The following NFIB variants were observed in gnomAD, a reference collection of about 807,000 sequenced individuals.
NFIB encodes the protein nuclear factor 1 B-type.
NFIB carries 11 observed loss-of-function variants against 61.5 expected under a neutral mutation model. That is an observed-to-expected ratio of 0.18 (90% CI 0.11 to 0.30). The LOEUF (loss-of-function observed/expected upper bound fraction) is 0.30. NFIB is among the 10% of genes least tolerant of loss of function. NFIB has a pLI of 1.00. For synonymous variants in NFIB, 260 were observed against 216.5 expected (o/e 1.20, Z -1.76); for missense variants, 471 against 608.9 (o/e 0.77, Z 2.38).
chr9:14,237,443 C>A (rs1270796862), intron 2 of NFIB, among the ~76,000 whole-genome samples: 2 of 152,104 alleles, frequency 1.3e-5, no homozygotes, highest in Non-Finnish European at 2.9e-5. Context: ...AGCTTGGCCA[C>A]CTAAGATATA....
At position 14,165,318 on chromosome 9, in the gene NFIB, C is replaced by T. The variant is rs79073461; in HGVS notation, c.617-9425G>A. On this transcript the variant is annotated intron_variant, in intron 3 of 10. Coordinates refer to ENST00000380953, the MANE Select transcript of NFIB (RefSeq NM_001190737.2). ...AAAACTTGAATACCTAAATTTGTAG[C>T]CTCTCTCATCGAAACAAAACAATGA... Among the ~76,000 whole-genome samples, 566 of 152,206 alleles carry T rather than the reference C, an allele frequency of 3.7e-3. 2 individuals carry two copies. The highest frequency in any genetic ancestry group is 0.013 in the African/African-American group (539 of 41,552).
chr9:14,143,683 A>C (rs1005917850), intron 6 of NFIB, among the ~76,000 whole-genome samples: 1 of 152,188 alleles, frequency 6.6e-6, no homozygotes, highest in East Asian at 1.9e-4. Context: ...TATTATAAAT[A>C]CAAGACATGT....
chr9:14,494,885 A>G, the NFIB span, among the ~76,000 whole-genome samples: 1 of 152,160 alleles, frequency 6.6e-6, no homozygotes, highest in Admixed American at 6.5e-5. Flanking sequence ...CACTGCACTC[A>G]TTAATTCACA....
intron 1 of NFIB, among the ~76,000 whole-genome samples, chr9:14,336,897 A>C (rs2060892145): frequency 6.6e-6 from 1 of 152,028 alleles, no homozygotes; most frequent in African/African-American, 2.4e-5. Flanking sequence ...CAACTACTCA[A>C]CTCTGCCAAT....
At chr9:14,287,142 C>A (rs2058758163) in intron 2 of NFIB, among the ~76,000 whole-genome samples, 1 of 151,598 alleles carries the variant, frequency 6.6e-6, no homozygotes, top group African/African-American at 2.4e-5. Flanking sequence ...TTTAAAAGAG[C>A]TATTATAGGC....
chr9:14,208,720 A>G (rs1373845167), intron 2 of NFIB, among the ~76,000 whole-genome samples: 3 of 152,204 alleles, frequency 2.0e-5, no homozygotes, highest in Non-Finnish European at 4.4e-5. Flanking sequence ...TCATAAACTG[A>G]GGACCATTCA....
chr9:14,522,849 T>C, the NFIB span, among the ~76,000 whole-genome samples: 7 of 152,134 alleles, frequency 4.6e-5, no homozygotes, highest in Non-Finnish European at 1.0e-4. Flanking sequence ...GCTTATCTTG[T>C]AGACACAGCT....
At chr9:14,097,323 A>G (rs2034951857) in intron 10 of NFIB, among the ~76,000 whole-genome samples, 1 of 152,024 alleles carries the variant, frequency 6.6e-6, no homozygotes, top group African/African-American at 2.4e-5. Context: ...GAGTGGTGCT[A>G]GGGGCCCAGA....
intron 2 of NFIB, among the ~76,000 whole-genome samples, chr9:14,234,137 G>A (rs2053497579): frequency 6.6e-6 from 1 of 152,100 alleles, no homozygotes; most frequent in Non-Finnish European, 1.5e-5. Flanking sequence ...TCAAACCTAG[G>A]AGAAATTATC....
intron 2 of NFIB, among the ~76,000 whole-genome samples, chr9:14,227,339 G>A (rs2052559076): frequency 6.6e-6 from 1 of 152,146 alleles, no homozygotes; most frequent in African/African-American, 2.4e-5. Flanking sequence ...GATAGAGCCT[G>A]TGCTTTTCAT....
chr9:14,116,012 G>A (rs549916263), intron 9 of NFIB, among the ~76,000 whole-genome samples, 196 bp downstream of exon 9: 1 of 152,212 alleles, frequency 6.6e-6, no homozygotes, highest in Non-Finnish European at 1.5e-5. Context: ...TGGAATTTGA[G>A]AAGAGAGAGC....
the NFIB span, among the ~76,000 whole-genome samples, chr9:14,422,249 T>C: frequency 6.6e-6 from 1 of 152,186 alleles, no homozygotes; most frequent in Non-Finnish European, 1.5e-5. Context: ...TCCTGCCTTT[T>C]CCCCAGATGT....
the NFIB span, among the ~76,000 whole-genome samples, chr9:14,499,996 G>A: frequency 6.6e-6 from 1 of 152,036 alleles, no homozygotes; most frequent in African/African-American, 2.4e-5. Flanking sequence ...AAAGCTTCCA[G>A]TATAGTACCC....
At chr9:14,410,436 G>A in the NFIB span, among the ~76,000 whole-genome samples, 2 of 152,154 alleles carry the variant, frequency 1.3e-5, no homozygotes, top group African/African-American at 4.8e-5. Flanking sequence ...TTAATGCAAA[G>A]GGCAGAGTAA....
At chr9:14,235,795 G>A (rs2053678420) in intron 2 of NFIB, among the ~76,000 whole-genome samples, 1 of 152,112 alleles carries the variant, frequency 6.6e-6, no homozygotes, top group Non-Finnish European at 1.5e-5. Flanking sequence ...AGTAACCTGG[G>A]CAGTAAGAGT....
At chr9:14,119,523 T>TA (rs35325084) in intron 8 of NFIB, among the ~76,000 whole-genome samples, 79,351 of 151,872 alleles carry the variant, frequency 0.52, 23,713 homozygotes, top group African/African-American at 0.81. Flanking sequence ...CTTTGCTAAT[T>TA]TAAATTGATA....
At chr9:14,202,694 T>A (rs1041114938) in intron 2 of NFIB, among the ~76,000 whole-genome samples, 1 of 152,194 alleles carries the variant, frequency 6.6e-6, no homozygotes, top group African/African-American at 2.4e-5. Context: ...ATATGTGTAG[T>A]ATTTTATATG....
chr9:14,508,191 TTATATATACA>T, the NFIB span, among the ~76,000 whole-genome samples: 2 of 151,852 alleles, frequency 1.3e-5, no homozygotes, highest in Non-Finnish European at 2.9e-5. Context: ...TACATAAACA[TTATATATACA>T]TATATGTGTA....
At chr9:14,370,905 G>A (rs895870828) in intron 1 of NFIB, among the ~76,000 whole-genome samples, 4 of 152,176 alleles carry the variant, frequency 2.6e-5, no homozygotes, top group Non-Finnish European at 4.4e-5. Context: ...GACCAGCCTG[G>A]CCAACGTGGC....
Sources: allele counts gnomAD v4.1 joint callset (sites outside exome capture counted in the v4.1 genomes callset), GRCh38; gene constraint gnomAD v4.1.1; transcripts MANE v1.5; gene names NCBI Gene and HGNC (gene_info 2026-07-23, HGNC 2026-07-21).